DNAH11: variants seen among roughly 807,000 people sequenced by gnomAD.
The protein encoded by DNAH11 is axonemal beta dynein heavy chain 11.
Under a neutral mutation model 526.0 loss-of-function variants are expected in DNAH11, and 442 were observed. That is an observed-to-expected ratio of 0.84 (90% CI 0.78 to 0.91). DNAH11 has a LOEUF of 0.91. Among genes scored for constraint, DNAH11 ranks in the 40% least tolerant of loss-of-function variants. DNAH11 has a pLI of 0.00. For missense variants in DNAH11, 6,989 were observed against 5,448.7 expected (o/e 1.28, Z -8.90); for synonymous variants, 2,461 against 1,935.9 (o/e 1.27, Z -7.12).
intron 74 of DNAH11, among the ~76,000 whole-genome samples, chr7:21,877,645 G>A (rs1191256172): frequency 6.6e-6 from 1 of 151,926 alleles, no homozygotes; most frequent in Non-Finnish European, 1.5e-5. Flanking sequence ...GGAGGCCGAG[G>A]CGGGCGGATC....
intron 76 of DNAH11, among the ~76,000 whole-genome samples, chr7:21,891,980 C>G (rs985658320): frequency 6.6e-6 from 1 of 151,966 alleles, no homozygotes; most frequent in African/African-American, 2.4e-5. Context: ...TGGGGAAGTA[C>G]AGGCTACAGA....
chr7:21,752,347 G>A (rs1786450044), intron 54 of DNAH11, among the ~76,000 whole-genome samples: 1 of 152,204 alleles, frequency 6.6e-6, no homozygotes, highest in African/African-American at 2.4e-5. Context: ...TCTTGAATTT[G>A]GGTGGGTAGC....
At chr7:21,690,672 T>A in intron 34 of DNAH11, 93 bp from the exon 35 acceptor site, 1 of 884,636 alleles carries the variant, frequency 1.1e-6, no homozygotes, top group South Asian at 1.6e-5. Flanking sequence ...AACAGCTTCC[T>A]AATAATTTGC....
chr7:21,616,357 C>G, intron 22 of DNAH11, 65 bp downstream of exon 22: 4 of 1,286,090 alleles, frequency 3.1e-6, no homozygotes, highest in African/African-American at 1.5e-5. Context: ...TCCATCTTCC[C>G]TAATCTAGTA....
At chr7:21,836,706 T>C (rs1216390768) in intron 65 of DNAH11, among the ~76,000 whole-genome samples, 1 of 152,054 alleles carries the variant, frequency 6.6e-6, no homozygotes, top group African/African-American at 2.4e-5. Flanking sequence ...GGGTAAGACC[T>C]CAGAGGCTCA....
intron 76 of DNAH11, among the ~76,000 whole-genome samples, chr7:21,885,088 A>G (rs1395110071): frequency 1.1e-5 from 1 of 94,752 alleles, no homozygotes; most frequent in Non-Finnish European, 2.6e-5. Flanking sequence ...AATTAAATCT[A>G]ACAAGATAGT....
chr7:21,882,267 T>A (rs896022492), intron 75 of DNAH11, among the ~76,000 whole-genome samples: 35 of 152,128 alleles, frequency 2.3e-4, no homozygotes, highest in African/African-American at 8.0e-4. Flanking sequence ...ACCAACCGAG[T>A]CACACTGTGT....
In DNAH11 at chr7:21,815,778, G is replaced by C. The variant is rs114822187; in HGVS notation, c.10333-689G>C. 2.9e-3 allele frequency among the ~76,000 whole-genome samples: 439 copies of C among 152,188 alleles called. 1 individual carries two copies. The highest frequency in any genetic ancestry group is 0.01 in the African/African-American group (420 of 41,526). ...TCTTTAATACAATTTTTGCCACAAC[G>C]TTATTTATTGTTGTCAATTTTTATA... On this transcript the variant is annotated intron_variant, in intron 63 of 81. Coordinates refer to ENST00000409508, the MANE Select transcript of DNAH11 (RefSeq NM_001277115.2).
chr7:21,751,650 G>A (rs1157673400), intron 54 of DNAH11, among the ~76,000 whole-genome samples: 1 of 152,134 alleles, frequency 6.6e-6, no homozygotes, highest in African/African-American at 2.4e-5. Context: ...GATAGGAGAC[G>A]GGTACTGGCA....
At chr7:21,708,813 C>T (rs75629902) in intron 40 of DNAH11, among the ~76,000 whole-genome samples, 1 of 152,134 alleles carries the variant, frequency 6.6e-6, no homozygotes, top group African/African-American at 2.4e-5. Flanking sequence ...ATTTCAGCAT[C>T]TGGTGAAATG....
chr7:21,857,301 G>T (rs927067248), intron 68 of DNAH11, among the ~76,000 whole-genome samples: 30 of 152,052 alleles, frequency 2.0e-4, no homozygotes, highest in Admixed American at 1.2e-3. Flanking sequence ...CCAAAATATT[G>T]TTGAGAAAAA....
In DNAH11 at chr7:21,748,582, G is replaced by A. The variant is rs1786261379; in HGVS notation, c.8513G>A (p.Cys2838Tyr). 4 of 1,529,484 alleles carry A rather than the reference G, an allele frequency of 2.6e-6. No individual in the cohort carries two copies. The highest frequency in any genetic ancestry group is 3.5e-6 in the Non-Finnish European group (4 of 1,134,242). 94.7% of individuals were successfully genotyped at this position (1,529,484 alleles called of 1,614,324 possible). Residue 2838 changes from cysteine to tyrosine, a missense_variant and splice_region_variant, in exon 52 of 82, where the codon TGT (cysteine) becomes TAT (tyrosine). Cys to Tyr is a radical substitution (Grantham distance 194, BLOSUM62 -2). Transcript: ENST00000409508. ...TAATGGGCGCTTCCTTTCCTCAGGT[G>A]TCGCATCAGCCGGATCTTACGAACC... ...VLFEDAMQHV[C>Y]RISRILRTPQ...
chr7:21,564,383 C>G lies in DNAH11; in HGVS notation c.1180C>G (p.Leu394Val). The change falls in exon 6 of 82, where the codon CTC becomes GTC. Residue 394 changes from leucine to valine, a missense_variant. By Grantham distance (32) the Leu-to-Val change is conservative. Transcript: ENST00000409508. Reference protein sequence around the residue: ...VIVLLQEFCNLFINQATAYLS... With the variant: ...VIVLLQEFCNVFINQATAYLS... The stretch of plus-strand genomic sequence containing the variant: ...AGTTTTATTGCAAGAGTTTTGTAAT[C>G]TCTTCATTAACCAGGTATGAAGCAT... 2 of 1,611,842 alleles carry G rather than the reference C, an allele frequency of 1.2e-6. No homozygotes were observed. Among genetic ancestry groups the G allele is most frequent in the Non-Finnish European group, 1.7e-6 (2 of 1,178,932 alleles).
intron 1 of DNAH11, 98 bp downstream of exon 1, chr7:21,543,694 C>A: frequency 1.5e-6 from 2 of 1,371,560 alleles, no homozygotes; most frequent in Middle Eastern, 2.0e-4. Flanking sequence ...GGCGCTCACT[C>A]GGGCACTTTA....
intron 55 of DNAH11, among the ~76,000 whole-genome samples, chr7:21,771,709 A>C (rs531049973): frequency 6.6e-6 from 1 of 152,096 alleles, no homozygotes; most frequent in Non-Finnish European, 1.5e-5. Context: ...GTGGTTATCA[A>C]CTGGTTTTTA....
At chr7:21,622,911 A>C (rs572164582) in intron 25 of DNAH11, among the ~76,000 whole-genome samples, 19 of 152,262 alleles carry the variant, frequency 1.2e-4, no homozygotes, top group Non-Finnish European at 1.8e-4. Flanking sequence ...GGCATGGGCA[A>C]GGACTTCATG....
chr7:21,741,181 T>C (rs879647188), intron 48 of DNAH11, among the ~76,000 whole-genome samples: 3 of 152,260 alleles, frequency 2.0e-5, no homozygotes, highest in Non-Finnish European at 4.4e-5. Flanking sequence ...TTTCATATGA[T>C]GAGAATCATA....
chr7:21,761,701 C>T (rs1345247304), intron 54 of DNAH11, among the ~76,000 whole-genome samples: 2 of 152,178 alleles, frequency 1.3e-5, no homozygotes, highest in African/African-American at 2.4e-5. Context: ...CCATGCCACC[C>T]TCCCAGGCCC....
At chr7:21,585,194 T>C (rs774186001) in intron 9 of DNAH11, among the ~76,000 whole-genome samples, 45 of 152,304 alleles carry the variant, frequency 3.0e-4, no homozygotes, top group Non-Finnish European at 4.6e-4. Context: ...GGCATCATCT[T>C]ACAGCTTCTG....
Sources: gnomAD v4.1 joint callset for allele counts (sites outside exome capture counted in the v4.1 genomes callset) on GRCh38, gnomAD v4.1.1 for gene constraint, MANE v1.5 for transcripts, NCBI Gene and HGNC (gene_info 2026-07-23, HGNC 2026-07-21) for gene names.